The following SARNP variants were observed in gnomAD, a reference collection of about 807,000 sequenced individuals.
The protein encoded by SARNP is SAP domain-containing ribonucleoprotein.
Under a neutral mutation model 38.1 loss-of-function variants are expected in SARNP, and 5 were observed. That is an observed-to-expected ratio of 0.13 (90% CI 0.07 to 0.28). The LOEUF (loss-of-function observed/expected upper bound fraction) is 0.28. SARNP is among the 10% of genes least tolerant of loss of function. The pLI is 1.00. For missense variants in SARNP, 180 were observed against 243.9 expected, an observed-to-expected ratio of 0.74 and a Z score of 1.75; for synonymous variants, 84 against 80.6, an observed-to-expected ratio of 1.04 and a Z score of -0.23.
chr12:55,752,972 A>G (rs1878373146), downstream of SARNP: 1 of 152,274 alleles, frequency 6.6e-6, no homozygotes, highest in Non-Finnish European at 1.5e-5. Context: ...CTCGTGTTCA[A>G]TGACTAAGAA....
intron 1 of SARNP, among the ~76,000 whole-genome samples, chr12:55,805,011 C>T (rs555968203): frequency 2.6e-5 from 4 of 152,308 alleles, no homozygotes; most frequent in African/African-American, 9.6e-5. Flanking sequence ...CGCCTGTAAT[C>T]CCAGCACTTT....
intron 6 of SARNP, 64 bp from the exon 7 acceptor site, chr12:55,794,451 G>A (rs765745558): frequency 3.5e-5 from 49 of 1,413,596 alleles, no homozygotes; most frequent in Non-Finnish European, 4.3e-5. Flanking sequence ...GTCTGTCTCC[G>A]TGTCAAGTAT....
chr12:55,782,772 A>G (rs981272413), intron 9 of SARNP, among the ~76,000 whole-genome samples: 7 of 152,116 alleles, frequency 4.6e-5, no homozygotes, highest in African/African-American at 9.7e-5. Context: ...TTTACATTTT[A>G]TAGAAGACAG....
At chr12:55,760,871 A>G in intron 9 of SARNP, 1 of 443,882 alleles carries the variant, frequency 2.3e-6, no homozygotes, top group Non-Finnish European at 4.0e-6. Flanking sequence ...CTCATAAGAC[A>G]AGTAGGGTAA....
chr12:55,783,868 G>A (rs2136191027), intron 9 of SARNP, among the ~76,000 whole-genome samples: 2 of 152,156 alleles, frequency 1.3e-5, no homozygotes, highest in East Asian at 3.9e-4. Context: ...TGAGGCAGGA[G>A]GATCACTTGA....
At chr12:55,806,553 G>A (rs536313281) in intron 1 of SARNP, among the ~76,000 whole-genome samples, 1 of 151,990 alleles carries the variant, frequency 6.6e-6, no homozygotes, top group South Asian at 2.1e-4. Flanking sequence ...GGGATTACAG[G>A]TGTGAACCAT....
chr12:55,786,781 T>TA (rs1472746473), intron 9 of SARNP, among the ~76,000 whole-genome samples: 1 of 152,082 alleles, frequency 6.6e-6, no homozygotes, highest in Non-Finnish European at 1.5e-5. Flanking sequence ...CCTTCCCAAT[T>TA]AAAGTGCATG....
rs935935299 is a variant in SARNP, at chr12:55,757,370, T to C, written c.*142A>G. 3.9e-6 allele frequency: 2 copies of C among 519,202 alleles called. No individual in the cohort carries two copies. The highest frequency in any genetic ancestry group is 6.6e-6 in the Non-Finnish European group (2 of 305,010). 32.2% of individuals were successfully genotyped at this position (519,202 alleles called of 1,614,324 possible). A position where few individuals can be genotyped will look rare whatever the true frequency, so the allele number is the denominator to read the frequency against. The stretch of plus-strand genomic sequence containing the variant: ...GCAATAAGTCAAACTGCTGCCGCAG[T>C]TCATGGATGTACCTGGGGTACATGC... On this transcript the variant is annotated 3_prime_UTR_variant, in exon 11 of 11. Transcript: ENST00000336133.
chr12:55,784,949 A>G (rs1879447152), intron 9 of SARNP, among the ~76,000 whole-genome samples: 1 of 152,236 alleles, frequency 6.6e-6, no homozygotes, highest in Admixed American at 6.5e-5. Context: ...TGGAAACCAT[A>G]CATATTCTAG....
At chr12:55,808,543 C>A (rs1258846954) in intron 1 of SARNP, among the ~76,000 whole-genome samples, 2 of 152,084 alleles carry the variant, frequency 1.3e-5, no homozygotes, top group African/African-American at 4.8e-5. Flanking sequence ...GTGATCCACC[C>A]GCCTCGGCCT....
intron 9 of SARNP, among the ~76,000 whole-genome samples, chr12:55,771,066 TA>T (rs1878994464): frequency 6.6e-6 from 1 of 151,974 alleles, no homozygotes; most frequent in Non-Finnish European, 1.5e-5. Context: ...GCCTCCCAAG[TA>T]GCTGGGATTA....
At chr12:55,775,275 A>T (rs1879143958) in intron 9 of SARNP, among the ~76,000 whole-genome samples, 1 of 150,130 alleles carries the variant, frequency 6.7e-6, no homozygotes, top group Non-Finnish European at 1.5e-5. Flanking sequence ...TGAAAAAAAG[A>T]TGGACAAGCA....
At chr12:55,770,450 A>G (rs937644068) in intron 9 of SARNP, among the ~76,000 whole-genome samples, 2 of 149,044 alleles carry the variant, frequency 1.3e-5, no homozygotes, top group Non-Finnish European at 3.0e-5. Flanking sequence ...CGTGTTAGCC[A>G]GGATGGTCTC....
intron 9 of SARNP, among the ~76,000 whole-genome samples, chr12:55,786,552 C>T (rs570708284): frequency 6.6e-6 from 1 of 152,280 alleles, no homozygotes; most frequent in South Asian, 2.1e-4. Context: ...CGAGTTCAAG[C>T]GATTCTCCTG....
chr12:55,806,150 G>C (rs1400987150), intron 1 of SARNP, among the ~76,000 whole-genome samples: 2 of 151,764 alleles, frequency 1.3e-5, no homozygotes, highest in East Asian at 3.8e-4. Flanking sequence ...TTGAATTCCA[G>C]TTTTACTACT....
At position 55,799,477 on chromosome 12, in the gene SARNP, G is replaced by A. The variant is rs1017543456; in HGVS notation, c.251+1085C>T. Among the ~76,000 whole-genome samples the A allele has an allele frequency of 3.3e-5, 5 of 151,308 alleles. No individual in the cohort carries two copies. The South Asian group carries it at 8.4e-4, about 25-fold the overall frequency. Reference sequence around the variant, plus strand: ...CTCCACTGTAAATCAGAAAGCAAGAGAGAACAGAGTGCTACTTCAGAAACA... The same window carrying A: ...CTCCACTGTAAATCAGAAAGCAAGAAAGAACAGAGTGCTACTTCAGAAACA... On this transcript the variant is annotated intron_variant, in intron 4 of 10. Transcript: ENST00000336133.
chr12:55,791,688 C>T (rs981900256), intron 7 of SARNP, among the ~76,000 whole-genome samples: 1 of 151,344 alleles, frequency 6.6e-6, no homozygotes, highest in African/African-American at 2.4e-5. Context: ...GAGCAAGACT[C>T]CATCTCAAAA....
chr12:55,771,736 A>C (rs1181504612), intron 9 of SARNP, among the ~76,000 whole-genome samples: 1 of 152,194 alleles, frequency 6.6e-6, no homozygotes, highest in Non-Finnish European at 1.5e-5. Context: ...CTAAGATGTT[A>C]ATAGTTCTCA....
intron 1 of SARNP, among the ~76,000 whole-genome samples, chr12:55,806,590 G>C (rs577140041): frequency 1.6e-4 from 24 of 151,810 alleles, no homozygotes; most frequent in Non-Finnish European, 2.8e-4. Context: ...AAAATTTCTT[G>C]AGACGGAGTC....
Sources: gnomAD v4.1 joint callset for allele counts (sites outside exome capture counted in the v4.1 genomes callset) on GRCh38, gnomAD v4.1.1 for gene constraint, MANE v1.5 for transcripts, NCBI Gene and HGNC (gene_info 2026-07-23, HGNC 2026-07-21) for gene names.